ADGRV1: variants seen among roughly 807,000 people sequenced by gnomAD.
ADGRV1 encodes G-protein coupled receptor 98.
A neutral mutation model predicts 596.2 loss-of-function variants in ADGRV1; 359 were observed. The ratio of observed to expected loss-of-function variants is 0.60; its 90% CI spans 0.55 to 0.66. The LOEUF is 0.66. ADGRV1 is among the 30% of genes least tolerant of loss of function. The pLI is 0.00. For missense variants in ADGRV1, 7,274 were observed against 7,575.6 expected (o/e 0.96, Z 1.48); for synonymous variants, 2,681 against 2,679.2 (o/e 1.00, Z -0.02).
chr5:90,693,468 A>G (rs1246031881), intron 32 of ADGRV1, among the ~76,000 whole-genome samples: 1 of 151,702 alleles, frequency 6.6e-6, no homozygotes, highest in Non-Finnish European at 1.5e-5. Flanking sequence ...TTTTTTCTGA[A>G]TATTTTTGAT....
At chr5:91,051,754 A>G (rs1333329019) in intron 85 of ADGRV1, among the ~76,000 whole-genome samples, 1 of 151,858 alleles carries the variant, frequency 6.6e-6, no homozygotes, top group Non-Finnish European at 1.5e-5. Flanking sequence ...TCACGACGTT[A>G]GCCAGGATGG....
chr5:91,146,375 A>G lies in ADGRV1; in HGVS notation c.18433-3655A>G, dbSNP rs1795533896. On this transcript the variant is annotated intron_variant, in intron 87 of 89. Coordinates refer to ENST00000405460, the MANE Select transcript of ADGRV1 (RefSeq NM_032119.4). The stretch of plus-strand genomic sequence containing the variant: ...TGTAGGCGATGTCAGGAACAGCAAT[A>G]CAAATTTTGAGTTGCTGTCTGTGAC... Among the ~76,000 whole-genome samples the G allele has an allele frequency of 3.3e-5, 5 of 152,210 alleles. No individual in the cohort carries two copies. In the South Asian group the frequency reaches 1.0e-3, roughly 31 times the overall value.
intron 85 of ADGRV1, among the ~76,000 whole-genome samples, chr5:91,033,178 A>G (rs145161477): frequency 3.9e-5 from 6 of 152,142 alleles, no homozygotes; most frequent in Non-Finnish European, 8.8e-5. Context: ...CTTTTTGTTT[A>G]CTAATTTGTA....
At position 90,853,422 on chromosome 5, in the gene ADGRV1, G is replaced by A; in HGVS notation, c.17343G>A (p.Gln5781=). 1.9e-6 allele frequency: 3 copies of A among 1,613,502 alleles called. No individual in the cohort carries two copies. The highest frequency in any genetic ancestry group is 2.5e-6 in the Non-Finnish European group (3 of 1,179,602). Residue 5781 remains glutamine, a synonymous_variant, in exon 80 of 90, where the codon CAG becomes CAA. Transcript: ENST00000405460. ...IRIPERLLDV[Q]DAEIMAGKST... ...TTCCAGAGAGGCTACTGGATGTCCAGGATGCAGAAATAATGGCTGGGAAAA... is the reference window on the plus strand; with the variant it reads ...TTCCAGAGAGGCTACTGGATGTCCAAGATGCAGAAATAATGGCTGGGAAAA...
intron 84 of ADGRV1, among the ~76,000 whole-genome samples, chr5:90,974,930 A>G (rs1387676504): frequency 6.6e-6 from 1 of 152,246 alleles, no homozygotes; most frequent in African/African-American, 2.4e-5. Flanking sequence ...AGAATGGTAG[A>G]AAAGTTTTGC....
chr5:91,087,852 C>T (rs2126555292), intron 86 of ADGRV1, among the ~76,000 whole-genome samples: 1 of 152,196 alleles, frequency 6.6e-6, no homozygotes. Flanking sequence ...TAGTGAAGGC[C>T]CTCAAGTAGC....
At position 90,840,843 on chromosome 5, in the gene ADGRV1, AGGCCATTT is replaced by A. The variant is rs1259127068; in HGVS notation, c.16880_16887del (p.Ala5627GlyfsTer12). 6.2e-7 allele frequency: 1 copy of A among 1,613,510 alleles called. No homozygotes were observed. The highest frequency in any genetic ancestry group is 2.2e-5 in the East Asian group (1 of 44,868). On this transcript the variant is annotated frameshift_variant, in exon 78 of 90. Transcript: ENST00000405460. LOFTEE classifies it high-confidence loss of function. ...ACTCTTGTCTCAGATGCAGATTCGCAGGCCATTTGGGGGCTTGCAGATCAGCTACATCA... is the reference window on the plus strand; with the variant it reads ...ACTCTTGTCTCAGATGCAGATTCGCAGGGGGCTTGCAGATCAGCTACATCA...
chr5:90,851,102 G>GAT (rs1766439349), intron 79 of ADGRV1, among the ~76,000 whole-genome samples: 1 of 50,566 alleles, frequency 2.0e-5, no homozygotes, highest in African/African-American at 5.8e-5. Flanking sequence ...AGCTAGGTAG[G>GAT]GTGTGTGTGT....
intron 86 of ADGRV1, among the ~76,000 whole-genome samples, chr5:91,087,155 A>G (rs1789947354): frequency 6.6e-6 from 1 of 152,226 alleles, no homozygotes; most frequent in Non-Finnish European, 1.5e-5. Context: ...ATAATCATCA[A>G]TAGGAAGAAC....
At chr5:91,128,253 T>G (rs1258039667) in intron 87 of ADGRV1, among the ~76,000 whole-genome samples, 1 of 152,062 alleles carries the variant, frequency 6.6e-6, no homozygotes. Context: ...GCAGCATTTA[T>G]GTATAGACAG....
In ADGRV1 at chr5:90,593,595, A is replaced by G. The variant is rs1449443958; in HGVS notation, c.23-21240A>G. ...GCACATGTACCCTAGAACTTAAAGT[A>G]TAATAATAATTTTTTAAAAAGAGTA... On this transcript the variant is annotated intron_variant, in intron 1 of 89. Coordinates refer to ENST00000405460, the MANE Select transcript of ADGRV1 (RefSeq NM_032119.4). Among the ~76,000 whole-genome samples the G allele has an allele frequency of 6.6e-5, 10 of 152,248 alleles. No homozygotes were observed. The South Asian group carries it at 1.9e-3, about 28-fold the overall frequency.
At chr5:90,859,911 C>T (rs1247332790) in intron 82 of ADGRV1, among the ~76,000 whole-genome samples, 4 of 146,668 alleles carry the variant, frequency 2.7e-5, no homozygotes, top group African/African-American at 1.0e-4. Context: ...GAGACCCTGT[C>T]TGTACAAAAA....
intron 16 of ADGRV1, among the ~76,000 whole-genome samples, chr5:90,646,860 G>A (rs1313222300): frequency 6.8e-6 from 1 of 146,884 alleles, no homozygotes; most frequent in Admixed American, 7.0e-5. Flanking sequence ...TGCACCCTCC[G>A]CCTTCTGGAT....
In ADGRV1 at chr5:90,642,992, A is replaced by T; in HGVS notation, c.2504A>T (p.Glu835Val). 1.9e-6 allele frequency: 3 copies of T among 1,613,588 alleles called. No individual in the cohort carries two copies. The highest frequency in any genetic ancestry group is 2.5e-6 in the Non-Finnish European group (3 of 1,179,588). ...NTGVLEFKPG[E>V]REIVITLLAR... Reference sequence around the variant, plus strand: ...GGAGTACTAGAATTTAAACCTGGAGAAAGGGAGATAGTGATCACCTTGCTA... The same window carrying T: ...GGAGTACTAGAATTTAAACCTGGAGTAAGGGAGATAGTGATCACCTTGCTA... Residue 835 changes from glutamate to valine, a missense_variant, in exon 13 of 90, where the codon GAA (glutamate) becomes GTA (valine). This residue lies in a region of ADGRV1 where 1,715 missense variants were observed against 1,708.8 expected (regional missense o/e 1.00). Coordinates refer to ENST00000405460, the MANE Select transcript of ADGRV1 (RefSeq NM_032119.4).
In ADGRV1 at chr5:90,684,214, G is replaced by GTTA. The variant is rs771346895; in HGVS notation, c.6274+32_6274+34dup. ...CGTTCAAGTAAGTATCCCTTAGTGT[G>GTTA]TTATTATTATTATTAGCTCTCAGAA... On this transcript the variant is annotated intron_variant, in intron 28 of 89. Transcript: ENST00000405460. 16 of 1,550,800 alleles carry GTTA rather than the reference G, an allele frequency of 1.0e-5. No homozygotes were observed. The highest frequency in any genetic ancestry group is 1.7e-4 in the Middle Eastern group (1 of 5,818).
chr5:90,806,310 T>A lies in ADGRV1; in HGVS notation c.14836+852T>A, dbSNP rs571597489. Among the ~76,000 whole-genome samples the A allele has an allele frequency of 2.6e-5, 4 of 152,314 alleles. No individual in the cohort carries two copies. In the South Asian group the frequency reaches 8.3e-4, roughly 32 times the overall value. ...TTAGCTGCGTGATTGAGAGACACCA[T>A]AGTGTGATAACTGCCTTGGATACTG... On this transcript the variant is annotated intron_variant, in intron 72 of 89. Transcript: ENST00000405460.
intron 84 of ADGRV1, among the ~76,000 whole-genome samples, chr5:90,980,562 C>T (rs972679974): frequency 6.6e-6 from 1 of 152,134 alleles, no homozygotes; most frequent in Non-Finnish European, 1.5e-5. Flanking sequence ...CTTCTAACAA[C>T]ATTTTAAAAG....
chr5:90,710,008 G>A (rs9293550), intron 39 of ADGRV1, among the ~76,000 whole-genome samples: 111,983 of 152,120 alleles, frequency 0.74, 42,215 homozygotes, highest in African/African-American at 0.89. Context: ...TCACACAGCT[G>A]GAGACTGGTA....
rs371967252 is a variant in ADGRV1, at chr5:90,778,678, CTATTCCAGAGTTT to C, written c.12849+71_12849+83del. Reference sequence around the variant, plus strand: ...TAGATATGAAAATGTTTTCTTGTTTCTATTCCAGAGTTTTCATAAACTGATTAATTTGCTCCAA... The same window carrying C: ...TAGATATGAAAATGTTTTCTTGTTTCTCATAAACTGATTAATTTGCTCCAA... On this transcript the variant is annotated intron_variant, in intron 63 of 89. Coordinates refer to ENST00000405460, the MANE Select transcript of ADGRV1 (RefSeq NM_032119.4). 9.4e-5 allele frequency: 123 copies of C among 1,311,522 alleles called. 1 individual carries two copies. The African/African-American group carries it at 1.4e-3, about 15-fold the overall frequency. The allele number at this position is 1,311,522 out of a possible 1,614,324, so 81.2% of individuals were successfully genotyped here.
Sources: allele counts gnomAD v4.1 joint callset (sites outside exome capture counted in the v4.1 genomes callset), GRCh38; gene constraint gnomAD v4.1.1; regional missense constraint gnomAD v4.1.1; transcripts MANE v1.5; gene names NCBI Gene and HGNC (gene_info 2026-07-23, HGNC 2026-07-21).